Variants in PCDHGB1 observed in about 807,000 individuals in gnomAD.
PCDHGB1 encodes protocadherin gamma subfamily B, 1.
In PCDHGB1, 34 loss-of-function variants were observed where a neutral mutation model predicts 56.6. That is an observed-to-expected ratio of 0.60 (90% CI 0.46 to 0.80). The LOEUF (loss-of-function observed/expected upper bound fraction) is 0.80, where lower values mean the gene tolerates loss of function less well. Ranked by LOEUF, PCDHGB1 falls within the 30% of genes least tolerant of loss-of-function variation. The probability of loss-of-function intolerance (pLI) is 0.00; values close to 1 mark genes in which losing one functional copy is unlikely to be tolerated. For synonymous variants in PCDHGB1, 561 were observed against 505.9 expected (o/e 1.11, Z -1.46); for missense variants, 1,278 against 1,204.6 (o/e 1.06, Z -0.90).
chr5:141,422,563 G>A, intron 1 of PCDHGB1: 3 of 1,613,986 alleles, frequency 1.9e-6, no homozygotes, highest in African/African-American at 1.3e-5. Flanking sequence ...TGTGGCAGAT[G>A]ACAACGATAA....
At chr5:141,435,858 A>C (rs138728159) in intron 1 of PCDHGB1, among the ~76,000 whole-genome samples, 1 of 152,304 alleles carries the variant, frequency 6.6e-6, no homozygotes, top group East Asian at 1.9e-4. Context: ...TACAATAGTT[A>C]AAACCCAGAA....
At chr5:141,385,227 A>G (rs781548290) in intron 1 of PCDHGB1, 1 of 1,614,220 alleles carries the variant, frequency 6.2e-7, no homozygotes, top group South Asian at 1.1e-5. Context: ...CCAACTATGT[A>G]GACATGCTCA....
At chr5:141,370,974 C>G in intron 1 of PCDHGB1, 3 of 1,613,996 alleles carry the variant, frequency 1.9e-6, no homozygotes, top group Non-Finnish European at 2.5e-6. Context: ...GTACCCAGAG[C>G]TAGTACTGAA....
chr5:141,413,207 C>CA lies in PCDHGB1; in HGVS notation c.2409+60541dup, dbSNP rs753988593. On this transcript the variant is annotated intron_variant, in intron 1 of 3. Transcript: ENST00000523390. The stretch of plus-strand genomic sequence containing the variant: ...GCTCAAAGGAATCGCTCAAAGGAAT[C>CA]AAAGGATTGCAGCGGGCTGGTCCTG... The CA allele has an allele frequency of 1.7e-5, 27 of 1,612,874 alleles. No homozygotes were observed. In the East Asian group the frequency reaches 6.0e-4, roughly 36 times the overall value.
chr5:141,372,992 T>C (rs1414132477), intron 1 of PCDHGB1, among the ~76,000 whole-genome samples: 1 of 152,240 alleles, frequency 6.6e-6, no homozygotes, highest in Non-Finnish European at 1.5e-5. Flanking sequence ...GTTGCAGTTG[T>C]TCTTTCATAG....
At chr5:141,419,762 A>G in intron 1 of PCDHGB1, 1 of 1,614,008 alleles carries the variant, frequency 6.2e-7, no homozygotes, top group Non-Finnish European at 8.5e-7. Context: ...TTTGGGTGAC[A>G]AGGACTCGGT....
chr5:141,351,482 C>T lies in PCDHGB1; in HGVS notation c.1222C>T (p.Arg408Trp), dbSNP rs148748054. 5.0e-6 allele frequency: 8 copies of T among 1,613,870 alleles called. No individual in the cohort carries two copies. In the Admixed American group the frequency reaches 1.2e-4, roughly 24 times the overall value. Residue 408 changes from arginine (R) to tryptophan (W), a missense_variant, in exon 1 of 4, where the codon CGG (arginine) becomes TGG (tryptophan). Arg to Trp is a moderately radical substitution (Grantham distance 101, BLOSUM62 -3). Coordinates refer to ENST00000523390, the MANE Select transcript of PCDHGB1 (RefSeq NM_018922.3). ...GCTGGTGATTGCTGGAGCCCTAAACCGGGAGCAGACAGCAGACTACAACGT... is the reference window on the plus strand; with the variant it reads ...GCTGGTGATTGCTGGAGCCCTAAACTGGGAGCAGACAGCAGACTACAACGT... The part of the protein sequence containing the change: ...YKLVIAGALN[R>W]EQTADYNVTI...
In PCDHGB1 at chr5:141,489,504, A is replaced by G. The variant is rs148241772; in HGVS notation, c.2410-5303A>G. 193 of 1,614,016 alleles carry G rather than the reference A, an allele frequency of 1.2e-4. No individual in the cohort carries two copies. Among genetic ancestry groups the G allele is most frequent in the Non-Finnish European group, 1.6e-4 (184 of 1,180,046 alleles). On this transcript the variant is annotated intron_variant, in intron 1 of 3. Transcript: ENST00000523390. The surrounding 1 kb of genome is among the most constrained non-coding windows in gnomAD (Gnocchi z 4.5). ...TGAGTGGTGCCCTGGCAGTGAATCA[A>G]AAGATTGACCGAGAAAGCCTATGTG...
intron 1 of PCDHGB1, chr5:141,355,795 G>A: frequency 1.9e-6 from 3 of 1,613,406 alleles, no homozygotes; most frequent in Middle Eastern, 1.7e-4. Context: ...GCTGGAACGC[G>A]CTCTAGATCG....
intron 1 of PCDHGB1, chr5:141,394,873 C>T (rs376612124): frequency 6.8e-6 from 11 of 1,613,708 alleles, no homozygotes; most frequent in Non-Finnish European, 8.5e-6. Context: ...CCGAACGATT[C>T]GAGCCTTACA....
At chr5:141,397,706 T>G (rs2093559040) in intron 1 of PCDHGB1, among the ~76,000 whole-genome samples, 1 of 152,246 alleles carries the variant, frequency 6.6e-6, no homozygotes, top group African/African-American at 2.4e-5. Flanking sequence ...CAACGTGATA[T>G]TTCTAACAAT....
intron 1 of PCDHGB1, among the ~76,000 whole-genome samples, chr5:141,465,094 G>GTT (rs138941665): frequency 3.4e-5 from 5 of 148,194 alleles, no homozygotes; most frequent in Non-Finnish European, 6.0e-5. Flanking sequence ...TTTTCTAGTA[G>GTT]TTTTTTTTTT....
At chr5:141,371,823 T>A in intron 1 of PCDHGB1, 2 of 1,613,832 alleles carry the variant, frequency 1.2e-6, no homozygotes, top group South Asian at 2.2e-5. Flanking sequence ...TGTCAGAGCC[T>A]CGGATCCCGA....
intron 3 of PCDHGB1, 110 bp downstream of exon 3, chr5:141,505,591 G>T: frequency 6.4e-7 from 1 of 1,570,280 alleles, no homozygotes; most frequent in Non-Finnish European, 8.7e-7. Flanking sequence ...AGTTTCTCCA[G>T]ATCTTTCGGC....
intron 1 of PCDHGB1, among the ~76,000 whole-genome samples, chr5:141,425,551 T>C (rs1472337722): frequency 1.3e-5 from 2 of 152,270 alleles, no homozygotes. Context: ...CAGAAACCTC[T>C]TTTATAAGTG....
At chr5:141,423,384 C>G (rs1196881147) in intron 1 of PCDHGB1, 1 of 1,614,054 alleles carries the variant, frequency 6.2e-7, no homozygotes, top group Non-Finnish European at 8.5e-7. Context: ...GGCTGTGGCG[C>G]TGGCATAAGT....
In PCDHGB1 at chr5:141,476,089, C is replaced by A; in HGVS notation, c.2410-18718C>A. 1 of 1,560,716 alleles carries A rather than the reference C, an allele frequency of 6.4e-7. No individual in the cohort carries two copies. The highest frequency in any genetic ancestry group is 8.6e-7 in the Non-Finnish European group (1 of 1,158,372). On this transcript the variant is annotated intron_variant, in intron 1 of 3. Coordinates refer to ENST00000523390, the MANE Select transcript of PCDHGB1 (RefSeq NM_018922.3). This position sits in a 1 kb window ranked among gnomAD's most constrained non-coding sequence, Gnocchi z 7.6. ...CGAAATCTCAGGGACGATCTGGACC[C>A]CGCTGAGAGGAACTGCTTTTGAGTG...
At chr5:141,421,926 C>A in intron 1 of PCDHGB1, 1 of 1,613,460 alleles carries the variant, frequency 6.2e-7, no homozygotes, top group Non-Finnish European at 8.5e-7. Flanking sequence ...GTGTGGTGGT[C>A]CTCGATGTAA....
At chr5:141,384,254 T>A in intron 1 of PCDHGB1, 3 of 1,613,674 alleles carry the variant, frequency 1.9e-6, no homozygotes, top group Non-Finnish European at 2.5e-6. Context: ...CCACCCACCT[T>A]CCCCCACTCA....
Sources: gnomAD v4.1 joint callset for allele counts (sites outside exome capture counted in the v4.1 genomes callset) on GRCh38, gnomAD v4.1.1 for gene constraint, Gnocchi (gnomAD v3.1) non-coding constraint, MANE v1.5 for transcripts, NCBI Gene and HGNC (gene_info 2026-07-23, HGNC 2026-07-21) for gene names.